The following MARCHF10 variants were observed in gnomAD, a reference collection of about 807,000 sequenced individuals.
MARCHF10 encodes the protein membrane associated ring-CH-type finger 10.
A neutral mutation model predicts 76.2 loss-of-function variants in MARCHF10; 64 were observed. The observed-to-expected ratio is 0.84, with a 90% CI of 0.69 to 1.03. MARCHF10 has a LOEUF of 1.03. Among genes scored for constraint, MARCHF10 ranks in the 50% least tolerant of loss-of-function variants. The pLI is 0.00. For synonymous variants in MARCHF10, 340 were observed against 357.5 expected (o/e 0.95, Z 0.55); for missense variants, 875 against 958.0 (o/e 0.91, Z 1.14).
intron 5 of MARCHF10, among the ~76,000 whole-genome samples, chr17:62,740,827 TTTGTTGCCCAG>T (rs1304248860): frequency 6.6e-6 from 1 of 152,114 alleles, no homozygotes; most frequent in Non-Finnish European, 1.5e-5. Context: ...GGGGTCTCAC[TTTGTTGCCCAG>T]TCTGGTCTTG....
chr17:62,749,420 A>G (rs1481634965), intron 4 of MARCHF10, among the ~76,000 whole-genome samples: 3 of 152,144 alleles, frequency 2.0e-5, no homozygotes, highest in Non-Finnish European at 2.9e-5. Context: ...GGTGCCTAGG[A>G]GGTGCCAAGA....
At position 62,712,720 on chromosome 17, in the gene MARCHF10, G is replaced by T. The variant is rs1173087177; in HGVS notation, c.2215-1376C>A. Among the ~76,000 whole-genome samples the T allele has an allele frequency of 6.6e-6, 1 of 152,126 alleles. No individual in the cohort carries two copies. Among genetic ancestry groups the T allele is most frequent in the Non-Finnish European group, 1.5e-5 (1 of 68,026 alleles). The stretch of plus-strand genomic sequence containing the variant: ...TTGGCCTAGAGTGAGTAGAGAAGAA[G>T]TTGCTTGTTTGCATTATTTCTGTTT... On this transcript the variant is annotated intron_variant, in intron 8 of 10. Transcript: ENST00000311269. This position sits in a 1 kb window ranked among gnomAD's most constrained non-coding sequence, Gnocchi z 4.2.
Position 62,737,187 on chromosome 17 carries a change from G to C in MARCHF10, c.681C>G (p.Ser227=), listed in dbSNP as rs2091309259. The change falls in exon 6 of 11, where the codon TCC becomes TCG. Residue 227 remains serine, a synonymous_variant. Transcript: ENST00000311269. The part of the protein sequence containing the change: ...RAKKGDPSAP[S]QSELHPALSQ... ...ACAGGGCTGGATGCAGCTCACTCTG[G>C]GAAGGAGCACTCGGGTCTCCTTTTT... The C allele has an allele frequency of 6.2e-7, 1 of 1,613,894 alleles. No homozygotes were observed. The highest frequency in any genetic ancestry group is 1.7e-5 in the Admixed American group (1 of 59,980).
chr17:62,735,725 C>T, intron 6 of MARCHF10: 1 of 559,538 alleles, frequency 1.8e-6, no homozygotes, highest in Non-Finnish European at 3.1e-6. Context: ...AGAGAAGAAA[C>T]TGATCAGGAA....
rs754649625 is a variant in MARCHF10 at position 62,725,083 on chromosome 17, C to T, written c.1959G>A (p.Glu653=). ...AGATGCGACACAAGTCTCCCTCCTC[C>T]TCGGAGTCCTCCTCCAGGAGACTAA... ...LQESLLEEDS[E]EEGDLCRICQ... The change falls in exon 7 of 11, where the codon GAG becomes GAA. Residue 653 remains glutamate (E), a synonymous_variant. Transcript: ENST00000311269. 6.2e-7 allele frequency: 1 copy of T among 1,600,168 alleles called. No individual in the cohort carries two copies. Among genetic ancestry groups the T allele is most frequent in the South Asian group, 1.1e-5 (1 of 88,532 alleles).
At position 62,787,231 on chromosome 17, in the gene MARCHF10, A is replaced by C. The variant is rs4968743; in HGVS notation, c.210+1249T>G. 5.4e-3 allele frequency among the ~76,000 whole-genome samples: 828 copies of C among 152,302 alleles called. 11 individuals carry two copies. The highest frequency in any genetic ancestry group is 0.026 in the Admixed American group (400 of 15,294). On this transcript the variant is annotated intron_variant, in intron 3 of 10. Transcript: ENST00000311269. The stretch of plus-strand genomic sequence containing the variant: ...TTTTATATTCCTTAATAGAGAGCAT[A>C]TCTCTCTCCTAGGTATACATCTACA...
intron 4 of MARCHF10, chr17:62,750,462 G>A (rs1024416089): frequency 5.9e-5 from 9 of 153,314 alleles, no homozygotes; most frequent in African/African-American, 2.2e-4. Flanking sequence ...TTGGGCTGCA[G>A]GACAGGGGAG....
At chr17:62,707,205 A>G (rs932024420) in intron 9 of MARCHF10, among the ~76,000 whole-genome samples, 13 of 152,136 alleles carry the variant, frequency 8.5e-5, no homozygotes, top group African/African-American at 1.2e-4. Flanking sequence ...TGGCCTGCCA[A>G]TCCCAGGCTG....
chr17:62,705,683 A>G (rs1328704073), intron 9 of MARCHF10, 102 bp from the exon 10 acceptor site: 2 of 1,423,304 alleles, frequency 1.4e-6, no homozygotes, highest in African/African-American at 2.8e-5. Context: ...AATCCCTTAC[A>G]CCACTTTAAA....
intron 7 of MARCHF10, 101 bp from the exon 8 acceptor site, chr17:62,722,698 G>T: frequency 2.2e-6 from 2 of 929,862 alleles, no homozygotes; most frequent in South Asian, 1.9e-5. Context: ...TGTGTGTTAT[G>T]AATTCTGAGC....
At chr17:62,731,312 G>A (rs959105049) in intron 6 of MARCHF10, among the ~76,000 whole-genome samples, 1 of 152,112 alleles carries the variant, frequency 6.6e-6, no homozygotes, top group African/African-American at 2.4e-5. Flanking sequence ...GCCCAGGCTG[G>A]AGTCCAGTAG....
chr17:62,736,157 A>T lies in MARCHF10; in HGVS notation c.1711T>A (p.Ser571Thr), dbSNP rs757505132. The change falls in exon 6 of 11, where the codon TCC becomes ACC. Residue 571 changes from serine (S) to threonine (T), a missense_variant. By Grantham distance (58) the Ser-to-Thr change is moderately conservative (BLOSUM62 1). Coordinates refer to ENST00000311269, the MANE Select transcript of MARCHF10 (RefSeq NM_152598.4). ...GAGGAGCTGGAAGAATCCACTAAGG[A>T]CAAATTGCCCTGTGGATTTAGTAAG... Reference protein sequence around the residue: ...DLLLNPQGNLSLVDSSSSSPS... With the variant: ...DLLLNPQGNLTLVDSSSSSPS... The T allele has an allele frequency of 6.2e-7, 1 of 1,614,228 alleles. No individual in the cohort carries two copies. Among genetic ancestry groups the T allele is most frequent in the South Asian group, 1.1e-5 (1 of 91,086 alleles).
At chr17:62,747,774 G>A (rs1446198119) in intron 4 of MARCHF10, among the ~76,000 whole-genome samples, 3 of 152,102 alleles carry the variant, frequency 2.0e-5, no homozygotes, top group Admixed American at 1.3e-4. Context: ...CCTTCATTCC[G>A]GTGTAGTTCT....
intron 4 of MARCHF10, among the ~76,000 whole-genome samples, chr17:62,751,244 C>T (rs1193413301): frequency 6.6e-6 from 1 of 152,174 alleles, no homozygotes; most frequent in African/African-American, 2.4e-5. Context: ...TGCCACTAAC[C>T]AGCTGGGTCA....
chr17:62,709,336 C>T (rs889660413), intron 9 of MARCHF10, among the ~76,000 whole-genome samples: 17 of 151,962 alleles, frequency 1.1e-4, no homozygotes, highest in African/African-American at 3.1e-4. Flanking sequence ...ACAAATTAGC[C>T]GGGCACAATA....
chr17:62,704,963 A>AT, intron 10 of MARCHF10: 4 of 460,858 alleles, frequency 8.7e-6, no homozygotes, highest in Non-Finnish European at 1.1e-5. Context: ...TTTTTTTTTA[A>AT]TGGAAAAAGG....
intron 4 of MARCHF10, among the ~76,000 whole-genome samples, chr17:62,752,123 C>CTTCT (rs2091915743): frequency 6.6e-6 from 1 of 151,942 alleles, no homozygotes; most frequent in Admixed American, 6.6e-5. Context: ...ATATTATCCA[C>CTTCT]TTCTTTCTTC....
intron 4 of MARCHF10, among the ~76,000 whole-genome samples, chr17:62,757,562 T>C (rs2092081783): frequency 6.6e-6 from 1 of 152,182 alleles, no homozygotes; most frequent in African/African-American, 2.4e-5. Context: ...ACATGTAAAA[T>C]GGATGGATCT....
chr17:62,722,568 C>T lies in MARCHF10; in HGVS notation c.2134G>A (p.Glu712Lys). Reference protein sequence around the residue: ...GADLGAVKTCEMCKQGLLVDL... With the variant: ...GADLGAVKTCKMCKQGLLVDL... Reference sequence around the variant, plus strand: ...ACCAGCAGGCCTTGCTTACACATCTCACAGGTCTTCACGGCACCAAGATCT... The same window carrying T: ...ACCAGCAGGCCTTGCTTACACATCTTACAGGTCTTCACGGCACCAAGATCT... The change falls in exon 8 of 11, where the codon GAG becomes AAG. Residue 712 changes from glutamate (E) to lysine (K), a missense_variant. Coordinates refer to ENST00000311269, the MANE Select transcript of MARCHF10 (RefSeq NM_152598.4). The T allele has an allele frequency of 1.2e-6, 2 of 1,613,876 alleles. No homozygotes were observed. The highest frequency in any genetic ancestry group is 1.7e-6 in the Non-Finnish European group (2 of 1,179,926).
Sources: gnomAD v4.1 joint callset for allele counts (sites outside exome capture counted in the v4.1 genomes callset) on GRCh38, gnomAD v4.1.1 for gene constraint, Gnocchi (gnomAD v3.1) non-coding constraint, MANE v1.5 for transcripts, NCBI Gene and HGNC (gene_info 2026-07-23, HGNC 2026-07-21) for gene names.